The following ATP8B4 variants were observed in gnomAD, a reference collection of about 807,000 sequenced individuals.
ATP8B4 encodes ATPase phospholipid transporting 8B4 (putative), also known as probable phospholipid-transporting ATPase IM.
ATP8B4 carries 133 observed loss-of-function variants against 145.6 expected under a neutral mutation model. The observed-to-expected ratio is 0.91, with a 90% CI of 0.79 to 1.05. The LOEUF is 1.05. Among genes scored for constraint, ATP8B4 ranks in the 50% least tolerant of loss-of-function variants. ATP8B4 has a pLI of 0.00. For missense variants in ATP8B4, 1,458 were observed against 1,425.2 expected (o/e 1.02, Z -0.37); for synonymous variants, 507 against 492.9 (o/e 1.03, Z -0.38).
chr15:50,104,404 T>A (rs911399909), intron 2 of ATP8B4, among the ~76,000 whole-genome samples: 1 of 151,754 alleles, frequency 6.6e-6, no homozygotes, highest in East Asian at 1.9e-4. Context: ...ACGGATCCCA[T>A]CAAAAAGTGG....
chr15:50,076,754 G>A (rs936002575), intron 2 of ATP8B4, among the ~76,000 whole-genome samples: 2 of 152,070 alleles, frequency 1.3e-5, no homozygotes, highest in Non-Finnish European at 2.9e-5. Flanking sequence ...TCATCTTTCT[G>A]AACTAAGTCT....
chr15:49,930,537 G>C (rs2041154692), intron 16 of ATP8B4, among the ~76,000 whole-genome samples: 1 of 152,032 alleles, frequency 6.6e-6, no homozygotes, highest in Non-Finnish European at 1.5e-5. Flanking sequence ...CAATGGAGGT[G>C]GACAGAGAAA....
chr15:49,911,505 T>A (rs973795615), intron 20 of ATP8B4, among the ~76,000 whole-genome samples: 1 of 152,024 alleles, frequency 6.6e-6, no homozygotes, highest in African/African-American at 2.4e-5. Context: ...TAAATATATA[T>A]TCACCCAACA....
chr15:50,153,469 G>C (rs1202469311), intron 1 of ATP8B4, among the ~76,000 whole-genome samples: 1 of 151,922 alleles, frequency 6.6e-6, no homozygotes, highest in Non-Finnish European at 1.5e-5. Context: ...CTCCTGAGTA[G>C]CGGGAACTAC....
intron 2 of ATP8B4, among the ~76,000 whole-genome samples, chr15:50,085,954 C>A (rs1221634628): frequency 1.3e-4 from 4 of 29,692 alleles, no homozygotes; most frequent in African/African-American, 1.7e-4. Flanking sequence ...TGATATATAT[C>A]ATATATATTT....
At chr15:49,909,695 G>A (rs944054059) in intron 20 of ATP8B4, among the ~76,000 whole-genome samples, 1 of 125,238 alleles carries the variant, frequency 8.0e-6, no homozygotes, top group African/African-American at 3.1e-5. Flanking sequence ...CACTGAGGAA[G>A]TCACAGACAC....
At position 49,860,197 on chromosome 15, in the gene ATP8B4, C is replaced by T. The variant is rs1238913744; in HGVS notation, c.3576G>A (p.Leu1192=). The T allele has an allele frequency of 6.2e-7, 1 of 1,607,592 alleles. No homozygotes were observed. Among genetic ancestry groups the T allele is most frequent in the South Asian group, 1.1e-5 (1 of 90,122 alleles). Residue 1192 remains leucine, a synonymous_variant, in exon 28 of 28, where the codon CTG becomes CTA. Coordinates refer to ENST00000284509, the MANE Select transcript of ATP8B4 (RefSeq NM_024837.4). ...CGTGGTTTAAATTCATATTGACTCA[C>T]AGTTTCACTGTTTTATCCTGGCTAA... is the stretch of plus-strand genomic sequence containing the variant. The part of the protein sequence containing the change: ...SSFSQDKTVK[L]
intron 2 of ATP8B4, among the ~76,000 whole-genome samples, chr15:50,098,800 G>C (rs954064534): frequency 1.3e-5 from 2 of 152,106 alleles, no homozygotes; most frequent in Admixed American, 6.6e-5. Flanking sequence ...ATGAGGCATA[G>C]TAGGCAGAGT....
intron 1 of ATP8B4, among the ~76,000 whole-genome samples, chr15:50,143,934 T>C (rs1423761317): frequency 2.0e-5 from 3 of 152,184 alleles, no homozygotes; most frequent in Non-Finnish European, 2.9e-5. Flanking sequence ...TGTAGATAAA[T>C]GGGAGCCACA....
chr15:50,113,409 C>T (rs986781729), intron 1 of ATP8B4: 1 of 152,138 alleles, frequency 6.6e-6, no homozygotes, highest in Non-Finnish European at 1.5e-5. Flanking sequence ...AAAGATAATT[C>T]TATTTGGTAT....
chr15:50,094,009 G>C (rs910507740), intron 2 of ATP8B4, among the ~76,000 whole-genome samples: 1 of 152,064 alleles, frequency 6.6e-6, no homozygotes, highest in Non-Finnish European at 1.5e-5. Flanking sequence ...AAACCAAAAG[G>C]AGAAATACAC....
At chr15:50,050,736 A>G (rs2153612154) in intron 3 of ATP8B4, among the ~76,000 whole-genome samples, 1 of 152,232 alleles carries the variant, frequency 6.6e-6, no homozygotes, top group East Asian at 1.9e-4. Context: ...CAGGTTTAAT[A>G]TGTTTTATAT....
rs2034253214 is a variant in ATP8B4 at position 49,875,390 on chromosome 15, G to A, written c.3027+888C>T. The stretch of plus-strand genomic sequence containing the variant: ...ACACCCCACCACTGTCTTCTCTATG[G>A]AAGGAGAATCCAGAGAATTGGAAAT... On this transcript the variant is annotated intron_variant, in intron 25 of 27. Coordinates refer to ENST00000284509, the MANE Select transcript of ATP8B4 (RefSeq NM_024837.4). Among the ~76,000 whole-genome samples the A allele has an allele frequency of 2.6e-5, 4 of 152,180 alleles. No homozygotes were observed. In the South Asian group the frequency reaches 8.3e-4, roughly 32 times the overall value.
intron 20 of ATP8B4, among the ~76,000 whole-genome samples, chr15:49,903,811 T>G (rs1426539118): frequency 3.3e-5 from 5 of 152,040 alleles, no homozygotes; most frequent in Non-Finnish European, 1.5e-5. Context: ...GGAGAATCAC[T>G]TGAACCTGGG....
chr15:49,952,136 C>G (rs1599381925), intron 14 of ATP8B4, among the ~76,000 whole-genome samples: 1 of 152,196 alleles, frequency 6.6e-6, no homozygotes, highest in East Asian at 1.9e-4. Context: ...GTTTTTCCTT[C>G]ATTTGGACCT....
intron 25 of ATP8B4, among the ~76,000 whole-genome samples, chr15:49,871,756 A>G (rs1383410409): frequency 6.6e-6 from 1 of 152,190 alleles, no homozygotes; most frequent in Admixed American, 6.5e-5. Context: ...AGACACTGGA[A>G]GCCTCTACTC....
intron 13 of ATP8B4, among the ~76,000 whole-genome samples, chr15:49,971,265 C>A (rs141219218): frequency 0.018 from 2,706 of 152,288 alleles, 51 homozygotes; most frequent in Non-Finnish European, 0.026. Flanking sequence ...CCAAAATTGA[C>A]AAATGGGACC....
rs1300802695 is a variant in ATP8B4 at position 50,068,496 on chromosome 15, T to A, written c.87+5631A>T. Among the ~76,000 whole-genome samples the A allele has an allele frequency of 2.0e-5, 3 of 152,342 alleles. No individual in the cohort carries two copies. In the East Asian group the frequency reaches 5.8e-4, roughly 29 times the overall value. ...ATTTTTAGGTGGGACTCTTTCTTTC[T>A]AAGCATGTAAAACTACTGGTTAAAT... On this transcript the variant is annotated intron_variant, in intron 3 of 27. Transcript: ENST00000284509.
intron 6 of ATP8B4, among the ~76,000 whole-genome samples, chr15:50,027,379 GTGGATGGA>G (rs56814126): frequency 4.0e-5 from 6 of 148,910 alleles, no homozygotes; most frequent in Admixed American, 3.3e-4. Context: ...GGATGGATGG[GTGGATGGA>G]TGGATGGATG....
Sources: allele counts gnomAD v4.1 joint callset (sites outside exome capture counted in the v4.1 genomes callset), GRCh38; gene constraint gnomAD v4.1.1; transcripts MANE v1.5; gene names NCBI Gene and HGNC (gene_info 2026-07-23, HGNC 2026-07-21).